Variants in DMXL2 observed in about 807,000 individuals in gnomAD.
DMXL2 encodes Dmx like 2.
Under a neutral mutation model 331.1 loss-of-function variants are expected in DMXL2, and 103 were observed. The observed-to-expected ratio is 0.31, with a 90% confidence interval of 0.27 to 0.37. The LOEUF (loss-of-function observed/expected upper bound fraction) is 0.37, where lower values mean the gene tolerates loss of function less well. DMXL2 is among the 10% of genes least tolerant of loss of function. DMXL2 has a pLI of 1.00. For missense variants in DMXL2, 3,171 were observed against 3,642.9 expected (o/e 0.87, Z 3.33); for synonymous variants, 1,281 against 1,252.1 (o/e 1.02, Z -0.49).
rs770583176 is a variant in DMXL2, at chr15:51,502,817, G to A, written c.2981C>T (p.Thr994Met). ...LPESVEVIRA[T>M]PSAGHLSSSS... ...TAAAGTGACCTTACCTGCTGAAGGC[G>A]TTGCTCTTATTACTTCAACTGATTC... Residue 994 changes from threonine to methionine, a missense_variant, in exon 17 of 44, where the codon ACG (threonine) becomes ATG (methionine). This residue lies in a region of DMXL2 where 1,674 missense variants were observed against 1,780.2 expected (regional missense o/e 0.94). Transcript: ENST00000560891. 5.6e-6 allele frequency: 9 copies of A among 1,613,424 alleles called. No individual in the cohort carries two copies. Among genetic ancestry groups the A allele is most frequent in the African/African-American group, 2.7e-5 (2 of 74,882 alleles).
chr15:51,452,487 A>G (rs2039237072), intron 41 of DMXL2, among the ~76,000 whole-genome samples: 1 of 152,170 alleles, frequency 6.6e-6, no homozygotes, highest in Non-Finnish European at 1.5e-5. Flanking sequence ...AACAAACAGG[A>G]AAAAATGCTC....
At chr15:51,564,050 C>T in intron 5 of DMXL2, 75 bp downstream of exon 5, 1 of 1,473,394 alleles carries the variant, frequency 6.8e-7, no homozygotes, top group Non-Finnish European at 9.1e-7. Flanking sequence ...AAATAAAGAT[C>T]TTTGTGAAAG....
In DMXL2 at chr15:51,578,120, TG is replaced by T. The variant is rs2051167097; in HGVS notation, c.88-1940del. ...GACAGAAGAAGTACTCAACAAGTGTTGGATCACTCTCTCTTTATCTTTGCAA... is the reference window on the plus strand; with the variant it reads ...GACAGAAGAAGTACTCAACAAGTGTTGATCACTCTCTCTTTATCTTTGCAA... On this transcript the variant is annotated intron_variant, in intron 1 of 43. Transcript: ENST00000560891. Among the ~76,000 whole-genome samples the T allele has an allele frequency of 2.0e-5, 3 of 152,186 alleles. No homozygotes were observed. The South Asian group carries it at 6.2e-4, about 32-fold the overall frequency.
At chr15:51,543,810 T>G (rs2140923365) in intron 8 of DMXL2, among the ~76,000 whole-genome samples, 1 of 152,222 alleles carries the variant, frequency 6.6e-6, no homozygotes, top group Non-Finnish European at 1.5e-5. Context: ...TGGTTACATA[T>G]TTACTTATAT....
intron 1 of DMXL2, among the ~76,000 whole-genome samples, chr15:51,593,194 C>G (rs983678480): frequency 4.7e-4 from 71 of 152,142 alleles, no homozygotes; most frequent in Middle Eastern, 3.4e-3. Context: ...GACACACATA[C>G]GCTCAAAACA....
At chr15:51,568,829 T>C (rs761180699) in intron 2 of DMXL2, among the ~76,000 whole-genome samples, 7 of 152,048 alleles carry the variant, frequency 4.6e-5, no homozygotes, top group Non-Finnish European at 8.8e-5. Context: ...GATGGCTGAA[T>C]AGGAACAGCT....
At chr15:51,459,753 A>G (rs2039963403) in intron 33 of DMXL2, 93 bp from the exon 34 acceptor site, 2 of 1,264,708 alleles carry the variant, frequency 1.6e-6, no homozygotes, top group South Asian at 1.3e-5. Flanking sequence ...TGGCCACTCC[A>G]CCACTTAAAG....
intron 1 of DMXL2, among the ~76,000 whole-genome samples, chr15:51,580,840 C>A (rs1379593518): frequency 1.3e-5 from 2 of 152,150 alleles, no homozygotes; most frequent in South Asian, 2.1e-4. Flanking sequence ...TTGTTATAAT[C>A]CTATTCTTAT....
intron 1 of DMXL2, among the ~76,000 whole-genome samples, chr15:51,604,901 C>T (rs1341500254): frequency 6.6e-6 from 1 of 152,144 alleles, no homozygotes; most frequent in Non-Finnish European, 1.5e-5. Flanking sequence ...AGACATAGAT[C>T]AGTGCAACAG....
chr15:51,462,914 G>T (rs1323660643), intron 33 of DMXL2, among the ~76,000 whole-genome samples: 1 of 152,112 alleles, frequency 6.6e-6, no homozygotes, highest in Admixed American at 6.5e-5. Flanking sequence ...CCTTCATCTT[G>T]TATTTGCTAT....
intron 6 of DMXL2, among the ~76,000 whole-genome samples, chr15:51,548,593 C>T (rs983184408): frequency 5.3e-5 from 8 of 151,898 alleles, no homozygotes; most frequent in Admixed American, 1.3e-4. Flanking sequence ...TACAGGTACC[C>T]GAGAGCCCCT....
At chr15:51,559,162 A>G (rs1369562172) in intron 6 of DMXL2, among the ~76,000 whole-genome samples, 1 of 152,220 alleles carries the variant, frequency 6.6e-6, no homozygotes, top group Non-Finnish European at 1.5e-5. Flanking sequence ...TTAAAATCAA[A>G]TATCTCTCAT....
At chr15:51,545,488 A>C in intron 8 of DMXL2, 95 bp downstream of exon 8, 1 of 1,073,476 alleles carries the variant, frequency 9.3e-7, no homozygotes, top group East Asian at 2.4e-5. Context: ...CACTCATTAC[A>C]TGTACCATGT....
chr15:51,471,951 T>C (rs1008753788), intron 28 of DMXL2, among the ~76,000 whole-genome samples: 2 of 152,150 alleles, frequency 1.3e-5, no homozygotes, highest in Non-Finnish European at 2.9e-5. Context: ...ACCTGGGAAC[T>C]TATGTTTTGG....
At chr15:51,538,096 T>C in intron 10 of DMXL2, 117 bp downstream of exon 10, 1 of 1,310,830 alleles carries the variant, frequency 7.6e-7, no homozygotes, top group Non-Finnish European at 1.0e-6. Context: ...AATACTTGTG[T>C]AACAAATAGA....
intron 1 of DMXL2, among the ~76,000 whole-genome samples, chr15:51,614,407 T>A (rs1015497042): frequency 6.6e-6 from 1 of 152,196 alleles, no homozygotes; most frequent in Non-Finnish European, 1.5e-5. Flanking sequence ...TAATCTCTAA[T>A]TCATTATATA....
In DMXL2 at chr15:51,507,246, G is replaced by A; in HGVS notation, c.2652C>T (p.Arg884=). Residue 884 remains arginine, a synonymous_variant, in exon 16 of 44, where the codon CGC becomes CGT. Transcript: ENST00000560891. ...AGAACTTTTCTGAAAATGGTGGTGGGCGGTATCCTATTATTCAAAGGAAAA... is the reference window on the plus strand; with the variant it reads ...AGAACTTTTCTGAAAATGGTGGTGGACGGTATCCTATTATTCAAAGGAAAA... The part of the protein sequence containing the change: ...EIFFQPSQGY[R]PPPFSEKFFL... 6.2e-7 allele frequency: 1 copy of A among 1,608,342 alleles called. No homozygotes were observed. Among genetic ancestry groups the A allele is most frequent in the Non-Finnish European group, 8.5e-7 (1 of 1,177,756 alleles).
chr15:51,564,052 T>C (rs2050126872), intron 5 of DMXL2, 73 bp downstream of exon 5: 9 of 1,478,778 alleles, frequency 6.1e-6, no homozygotes, highest in Non-Finnish European at 8.1e-6. Context: ...ATAAAGATCT[T>C]TGTGAAAGGA....
At position 51,499,800 on chromosome 15, in the gene DMXL2, C is replaced by T. The variant is rs761879645; in HGVS notation, c.3424G>A (p.Asp1142Asn). The T allele has an allele frequency of 2.5e-5, 41 of 1,614,120 alleles. 1 individual carries two copies. Among genetic ancestry groups the T allele is most frequent in the South Asian group, 3.3e-5 (3 of 91,070 alleles). The change falls in exon 18 of 44, where the codon GAC becomes AAC. Residue 1142 changes from aspartate to asparagine, a missense_variant. Asp to Asn is a conservative substitution (Grantham distance 23, BLOSUM62 1). Around this residue, in one of 7 missense-constraint regions of DMXL2, gnomAD observed 1,674 missense variants for 1,780.2 expected, o/e 0.94. Transcript: ENST00000560891. Reference protein sequence around the residue: ...GSVLDSRVSVDSNLFVYSKSD... With the variant: ...GSVLDSRVSVNSNLFVYSKSD... Reference sequence around the variant, plus strand: ...TTGCTATACACAAACAGATTACTGTCGACGCTGACCCTTGAATCAAGTACA... The same window carrying T: ...TTGCTATACACAAACAGATTACTGTTGACGCTGACCCTTGAATCAAGTACA...
Sources: allele counts gnomAD v4.1 joint callset (sites outside exome capture counted in the v4.1 genomes callset), GRCh38; gene constraint gnomAD v4.1.1; regional missense constraint gnomAD v4.1.1; transcripts MANE v1.5; gene names NCBI Gene and HGNC (gene_info 2026-07-23, HGNC 2026-07-21).